The following GNAS-AS1 variants were observed in gnomAD, a reference collection of about 807,000 sequenced individuals.
GNAS-AS1 encodes the protein GNAS antisense RNA 1 (non-protein coding).
In GNAS-AS1 at chr20:58,841,694, G is replaced by C; in HGVS notation, n.819+243C>G. ...GGGGGAAAGGTAGAGGAGGTAAGGG[G>C]ACCCTTGGGGATGCCCCTACGGGCT... On this transcript the variant is annotated intron_variant and non_coding_transcript_variant, in intron 4 of 4. Transcript: ENST00000424094. This position sits in a 1 kb window ranked among gnomAD's most constrained non-coding sequence, Gnocchi z 5.0. The C allele has an allele frequency of 5.8e-6, 7 of 1,202,796 alleles. No individual in the cohort carries two copies. The highest frequency in any genetic ancestry group is 6.2e-6 in the Non-Finnish European group (6 of 969,552). The allele number at this position is 1,202,796 out of a possible 1,614,324, so 74.5% of individuals were successfully genotyped here.
At position 58,840,640 on chromosome 20, in the gene GNAS-AS1, G is replaced by A; in HGVS notation, n.819+1297C>T. On this transcript the variant is annotated intron_variant and non_coding_transcript_variant, in intron 4 of 4. Coordinates refer to ENST00000424094, the Ensembl canonical transcript of GNAS-AS1. The surrounding 1 kb of genome is among the most constrained non-coding windows in gnomAD (Gnocchi z 6.0). ...GCCCCGACGCCTCCCCAAGTCGCGCGCCGCCCAGCACTCAGGAGCCCCAGA... is the reference window on the plus strand; with the variant it reads ...GCCCCGACGCCTCCCCAAGTCGCGCACCGCCCAGCACTCAGGAGCCCCAGA... 6.2e-7 allele frequency: 1 copy of A among 1,605,870 alleles called. No homozygotes were observed. Among genetic ancestry groups the A allele is most frequent in the South Asian group, 1.1e-5 (1 of 91,040 alleles).
chr20:58,838,174 T>C (rs1170769579), intron 4 of GNAS-AS1, among the ~76,000 whole-genome samples: 2 of 152,154 alleles, frequency 1.3e-5, no homozygotes, highest in African/African-American at 4.8e-5. Context: ...GACTTGTCAC[T>C]ATGGCCAAAA....
intron 2 of GNAS-AS1, chr20:58,844,154 A>G (rs2085850330): frequency 6.6e-6 from 1 of 152,240 alleles, no homozygotes. Context: ...CTGCTCTTCA[A>G]GAAGAGGGAA....
chr20:58,848,850 C>G (rs2145522988), intron 2 of GNAS-AS1: 1 of 398,604 alleles, frequency 2.5e-6, no homozygotes, highest in East Asian at 3.6e-5. Context: ...GACCCCATTA[C>G]TGATGTTTCA....
chr20:58,842,580 T>C (rs1011288624), intron 2 of GNAS-AS1: 1 of 398,530 alleles, frequency 2.5e-6, no homozygotes, highest in Non-Finnish European at 4.4e-6. Flanking sequence ...TATTTGCAAG[T>C]GGTTTTCTGC....
At chr20:58,821,504 T>C (rs1240290672) in intron 4 of GNAS-AS1, among the ~76,000 whole-genome samples, 2 of 152,208 alleles carry the variant, frequency 1.3e-5, no homozygotes, top group South Asian at 2.1e-4. Context: ...TCCCATATGT[T>C]TGCTATGAAG....
At chr20:58,838,777 C>A (rs960621234) in intron 4 of GNAS-AS1, 1 of 381,730 alleles carries the variant, frequency 2.6e-6, no homozygotes, top group South Asian at 1.5e-4. Context: ...ATTAGCCGAG[C>A]GTAGTGGTGC....
At chr20:58,845,168 G>A (rs2085898617) in intron 2 of GNAS-AS1, among the ~76,000 whole-genome samples, 1 of 152,162 alleles carries the variant, frequency 6.6e-6, no homozygotes. Context: ...CCACTGTGGG[G>A]GACGGCAGAC....
At chr20:58,836,901 C>G (rs562878334) in intron 4 of GNAS-AS1, among the ~76,000 whole-genome samples, 1 of 152,216 alleles carries the variant, frequency 6.6e-6, no homozygotes, top group South Asian at 2.1e-4. Context: ...TAAAATGCAT[C>G]TTGCAAAGAA....
Position 58,840,443 on chromosome 20 carries a change from A to G in GNAS-AS1, n.819+1494T>C. On this transcript the variant is annotated intron_variant and non_coding_transcript_variant, in intron 4 of 4. Coordinates refer to ENST00000424094, the Ensembl canonical transcript of GNAS-AS1. The surrounding 1 kb of genome is among the most constrained non-coding windows in gnomAD (Gnocchi z 6.0). ...GGAAGAGTTCGACTACGAGACCGAG[A>G]GCGAGACCGAGTCCGAAATCGAGTC... The G allele has an allele frequency of 6.2e-7, 1 of 1,613,270 alleles. No individual in the cohort carries two copies. Among genetic ancestry groups the G allele is most frequent in the Non-Finnish European group, 8.5e-7 (1 of 1,179,708 alleles).
chr20:58,827,008 G>A (rs542070252), intron 4 of GNAS-AS1: 1 of 151,636 alleles, frequency 6.6e-6, no homozygotes, highest in South Asian at 2.1e-4. Context: ...CACCGCACCT[G>A]GCTGAACTAT....
chr20:58,828,190 T>C (rs1424686232), intron 4 of GNAS-AS1, among the ~76,000 whole-genome samples: 1 of 152,236 alleles, frequency 6.6e-6, no homozygotes, highest in East Asian at 1.9e-4. Flanking sequence ...ATGTGGACTT[T>C]GCCAGGCTGA....
At chr20:58,823,005 C>T (rs1274891052) in intron 4 of GNAS-AS1, among the ~76,000 whole-genome samples, 4 of 152,134 alleles carry the variant, frequency 2.6e-5, no homozygotes, top group African/African-American at 9.7e-5. Context: ...ACCCCTGGCG[C>T]CTACTGTTTC....
At chr20:58,825,291 G>A (rs2085512047) in intron 4 of GNAS-AS1, among the ~76,000 whole-genome samples, 1 of 152,194 alleles carries the variant, frequency 6.6e-6, no homozygotes, top group African/African-American at 2.4e-5. Flanking sequence ...CCCCTTTGGT[G>A]GGAAATCTTT....
At chr20:58,830,467 CACCACCATCAT>C (rs1410469144) in intron 4 of GNAS-AS1, among the ~76,000 whole-genome samples, 1 of 118,178 alleles carries the variant, frequency 8.5e-6, no homozygotes, top group Non-Finnish European at 1.8e-5. Flanking sequence ...ACCACCACCA[CACCACCATCAT>C]CACCATCACC....
chr20:58,837,892 G>T (rs1320404946), intron 4 of GNAS-AS1, among the ~76,000 whole-genome samples: 1 of 152,216 alleles, frequency 6.6e-6, no homozygotes, highest in East Asian at 1.9e-4. Flanking sequence ...TTTTAATACG[G>T]GTGTGGTGTT....
intron 4 of GNAS-AS1, among the ~76,000 whole-genome samples, chr20:58,820,868 C>T (rs1004238483): frequency 2.6e-5 from 4 of 152,234 alleles, no homozygotes; most frequent in Non-Finnish European, 1.5e-5. Context: ...CAGTTCCTCC[C>T]ATGACACGTG....
At chr20:58,819,695 G>C (rs1423821669) in intron 4 of GNAS-AS1, among the ~76,000 whole-genome samples, 1 of 152,188 alleles carries the variant, frequency 6.6e-6, no homozygotes, top group African/African-American at 2.4e-5. Context: ...AAAGGAGGCA[G>C]GGCTATGGTG....
chr20:58,840,357 C>G lies in GNAS-AS1; in HGVS notation n.819+1580G>C. On this transcript the variant is annotated intron_variant and non_coding_transcript_variant, in intron 4 of 4. Coordinates refer to ENST00000424094, the Ensembl canonical transcript of GNAS-AS1. This position sits in a 1 kb window ranked among gnomAD's most constrained non-coding sequence, Gnocchi z 6.0. ...TTCCCTGAGTCCCCCGAATCGGAAT[C>G]TGACCACGAGCACGAGGAGGCAGAC... is the stretch of plus-strand genomic sequence containing the variant. 1 of 1,613,318 alleles carries G rather than the reference C, an allele frequency of 6.2e-7. No individual in the cohort carries two copies. Among genetic ancestry groups the G allele is most frequent in the Non-Finnish European group, 8.5e-7 (1 of 1,180,014 alleles).
Sources: gnomAD v4.1 joint callset for allele counts (sites outside exome capture counted in the v4.1 genomes callset) on GRCh38, gnomAD v4.1.1 for gene constraint, Gnocchi (gnomAD v3.1) non-coding constraint, MANE v1.5 for transcripts, NCBI Gene and HGNC (gene_info 2026-07-23, HGNC 2026-07-21) for gene names.